The following ASIC4 variants were observed in gnomAD, a reference collection of about 807,000 sequenced individuals.
The protein encoded by ASIC4 is acid sensing ion channel subunit family member 4.
Under a neutral mutation model 53.4 loss-of-function variants are expected in ASIC4, and 28 were observed. The ratio of observed to expected loss-of-function variants is 0.52; its 90% confidence interval spans 0.39 to 0.72. The LOEUF is 0.72. ASIC4 is among the 30% of genes least tolerant of loss of function. ASIC4 has a pLI of 0.00. For synonymous variants in ASIC4, 289 were observed against 301.4 expected, an observed-to-expected ratio of 0.96 and a Z score of 0.43; for missense variants, 649 against 729.7, an observed-to-expected ratio of 0.89 and a Z score of 1.27.
At position 219,538,241 on chromosome 2, in the gene ASIC4, C is replaced by G. The variant is rs1252979758; in HGVS notation, c.*195C>G. ...CCTTCTTGTCCACACCCCTTATCCCCAGGCTGGTGCCCCGGGAGGGCTGGA... is the reference window on the plus strand; with the variant it reads ...CCTTCTTGTCCACACCCCTTATCCCGAGGCTGGTGCCCCGGGAGGGCTGGA... On this transcript the variant is annotated 3_prime_UTR_variant, in exon 10 of 10. Coordinates refer to ENST00000358078, the MANE Select transcript of ASIC4 (RefSeq NM_018674.6). 1 of 594,634 alleles carries G rather than the reference C, an allele frequency of 1.7e-6. No homozygotes were observed. The highest frequency in any genetic ancestry group is 2.0e-5 in the South Asian group (1 of 50,026). 36.8% of individuals were successfully genotyped at this position (594,634 alleles called of 1,614,324 possible).
At chr2:219,511,813 A>G (rs954965536), upstream of ASIC4, among the ~76,000 whole-genome samples, 1 of 151,832 alleles carries the variant, frequency 6.6e-6, no homozygotes, top group African/African-American at 2.4e-5. This position sits in a 1 kb window ranked among gnomAD's most constrained non-coding sequence, Gnocchi z 5.3. Flanking sequence ...CTGGGCAATG[A>G]GCCGGGGAAG....
At chr2:219,513,114 C>A (rs886547055), upstream of ASIC4, among the ~76,000 whole-genome samples, 1 of 152,200 alleles carries the variant, frequency 6.6e-6, no homozygotes, top group African/African-American at 2.4e-5. Flanking sequence ...TCCCTCAGAT[C>A]GATTCCTTTC....
rs1207625001 is a variant in ASIC4 at position 219,532,393 on chromosome 2, G to T, written c.934G>T (p.Ala312Ser). Residue 312 changes from alanine to serine, a missense_variant, in exon 4 of 10, where the codon GCC becomes TCC. Ala to Ser is a moderately conservative substitution (Grantham distance 99). Transcript: ENST00000358078. ...GGAGCCTGAGCTTCAGGGCTACTCG[G>T]CCTACAGTGTGTCTGCCTGCCGGCT... is the stretch of plus-strand genomic sequence containing the variant. The part of the protein sequence containing the change: ...LREPELQGYS[A>S]YSVSACRLRC... 2 of 1,614,124 alleles carry T rather than the reference G, an allele frequency of 1.2e-6. No homozygotes were observed. The highest frequency in any genetic ancestry group is 1.7e-6 in the Non-Finnish European group (2 of 1,179,996).
rs114995542 is a variant in ASIC4 at position 219,530,607 on chromosome 2, C to T, written c.583-1151C>T. The stretch of plus-strand genomic sequence containing the variant: ...ACCAACAGACATGTGGATGCATGGA[C>T]GGTGACACTGAATGTGGCCGTGTGA... On this transcript the variant is annotated intron_variant, in intron 1 of 9. Coordinates refer to ENST00000358078, the MANE Select transcript of ASIC4 (RefSeq NM_018674.6). Among the ~76,000 whole-genome samples the T allele has an allele frequency of 3.2e-3, 482 of 152,182 alleles. 2 individuals carry two copies. Among genetic ancestry groups the T allele is most frequent in the African/African-American group, 0.011 (458 of 41,448 alleles).
chr2:219,521,993 G>C (rs1251970171), intron 1 of ASIC4, among the ~76,000 whole-genome samples: 2 of 152,242 alleles, frequency 1.3e-5, no homozygotes, highest in African/African-American at 4.8e-5. Flanking sequence ...GTGGAGATGG[G>C]AAGGTTCAGT....
intron 3 of ASIC4, 77 bp from the exon 4 acceptor site, chr2:219,532,238 G>A: frequency 6.3e-7 from 1 of 1,597,180 alleles, no homozygotes; most frequent in Admixed American, 1.7e-5. Flanking sequence ...CAGCTGTGTT[G>A]ACTTTGCTGG....
chr2:219,535,441 G>T (rs200985286), intron 6 of ASIC4, 117 bp downstream of exon 6: 12 of 801,714 alleles, frequency 1.5e-5, no homozygotes, highest in Non-Finnish European at 2.1e-5. Flanking sequence ...ATGTGTTTGT[G>T]TGTATGTGGG....
In ASIC4 at chr2:219,514,836, G is replaced by GC. The variant is rs757065259; in HGVS notation, c.118dup (p.Arg40ProfsTer122). The GC allele has an allele frequency of 6.2e-7, 1 of 1,613,208 alleles. No homozygotes were observed. On this transcript the variant is annotated frameshift_variant, in exon 1 of 10. Coordinates refer to ENST00000358078, the MANE Select transcript of ASIC4 (RefSeq NM_018674.6). LOFTEE classifies it high-confidence loss of function. The stretch of plus-strand genomic sequence containing the variant: ...CCTCGGGGCTGTTGCCCCTGGAGCA[G>GC]CCCCCCGAGACCTGGCCACCTTTGC...
intron 1 of ASIC4, among the ~76,000 whole-genome samples, chr2:219,525,905 G>A (rs543922714): frequency 6.6e-6 from 1 of 152,380 alleles, no homozygotes; most frequent in East Asian, 1.9e-4. Context: ...GGGATACCAT[G>A]GAAGAATGTC....
At position 219,515,013 on chromosome 2, in the gene ASIC4, C is replaced by G; in HGVS notation, c.289C>G (p.His97Asp). The G allele has an allele frequency of 6.2e-7, 1 of 1,613,440 alleles. No individual in the cohort carries two copies. Among genetic ancestry groups the G allele is most frequent in the Non-Finnish European group, 8.5e-7 (1 of 1,179,900 alleles). Reference sequence around the variant, plus strand: ...GGCCCGGGGCTACCTGACCCGGCCTCACCTGGTGGCAATGGACCCCGCTGC... The same window carrying G: ...GGCCCGGGGCTACCTGACCCGGCCTGACCTGGTGGCAATGGACCCCGCTGC... ...GLARGYLTRP[H>D]LVAMDPAAPA... The change falls in exon 1 of 10, where the codon CAC (histidine) becomes GAC (aspartate). Residue 97 changes from histidine to aspartate, a missense_variant. Coordinates refer to ENST00000358078, the MANE Select transcript of ASIC4 (RefSeq NM_018674.6).
upstream of ASIC4, among the ~76,000 whole-genome samples, chr2:219,509,683 G>T (rs951976540): frequency 1.3e-5 from 2 of 152,064 alleles, no homozygotes; most frequent in African/African-American, 4.8e-5. The surrounding 1 kb of genome is among the most constrained non-coding windows in gnomAD (Gnocchi z 5.2). Flanking sequence ...GTGGTGAGGG[G>T]TGTCTGAGTT....
intron 1 of ASIC4, among the ~76,000 whole-genome samples, chr2:219,522,677 G>A (rs1380936593): frequency 6.6e-6 from 1 of 151,956 alleles, no homozygotes; most frequent in African/African-American, 2.4e-5. Context: ...CTTCAGGCCC[G>A]CCAGCCAGGC....
intron 1 of ASIC4, among the ~76,000 whole-genome samples, chr2:219,522,563 G>C (rs1459930789): frequency 6.6e-6 from 1 of 152,190 alleles, no homozygotes; most frequent in Non-Finnish European, 1.5e-5. Flanking sequence ...GCCTCGTGCT[G>C]ATCATGTCTC....
chr2:219,537,628 C>T lies in ASIC4; in HGVS notation c.1402-4C>T. 1 of 1,610,582 alleles carries T rather than the reference C, an allele frequency of 6.2e-7. No individual in the cohort carries two copies. The highest frequency in any genetic ancestry group is 1.3e-5 in the African/African-American group (1 of 74,928). Reference sequence around the variant, plus strand: ...CACTGCTGTCCCCGACCCTGAACCCCAAGGTGTCCTGGGATCGACTGAAGC... The same window carrying T: ...CACTGCTGTCCCCGACCCTGAACCCTAAGGTGTCCTGGGATCGACTGAAGC... On this transcript the variant is annotated splice_region_variant and splice_polypyrimidine_tract_variant and intron_variant, in intron 8 of 9. Transcript: ENST00000358078. This position sits in a 1 kb window ranked among gnomAD's most constrained non-coding sequence, Gnocchi z 4.9.
the ASIC4 span, among the ~76,000 whole-genome samples, chr2:219,508,345 G>A: frequency 3.3e-5 from 5 of 152,152 alleles, no homozygotes; most frequent in African/African-American, 4.8e-5. Flanking sequence ...GCAAAACACC[G>A]TGAAATCCAA....
In ASIC4 at chr2:219,531,853, C is replaced by G. The variant is rs775163132; in HGVS notation, c.678C>G (p.Ile226Met). 1 of 1,613,658 alleles carries G rather than the reference C, an allele frequency of 6.2e-7. No homozygotes were observed. Among genetic ancestry groups the G allele is most frequent in the South Asian group, 1.1e-5 (1 of 90,974 alleles). ...GGGGCATGGGCAGTGGCCTGGAGAT[C>G]ATGCTGGACATCCAGCAGGAGGAGT... ...RAGGMGSGLE[I>M]MLDIQQEEYL... Residue 226 changes from isoleucine (I) to methionine (M), a missense_variant, in exon 2 of 10, where the codon ATC (isoleucine) becomes ATG (methionine). Ile to Met is a conservative substitution (Grantham distance 10, BLOSUM62 1). Coordinates refer to ENST00000358078, the MANE Select transcript of ASIC4 (RefSeq NM_018674.6).
At position 219,537,154 on chromosome 2, in the gene ASIC4, C is replaced by G. The variant is rs1471153466; in HGVS notation, c.1318C>G (p.Leu440Val). The G allele has an allele frequency of 6.2e-7, 1 of 1,613,744 alleles. No individual in the cohort carries two copies. The highest frequency in any genetic ancestry group is 8.5e-7 in the Non-Finnish European group (1 of 1,179,792). ...QRAAYGLSAL[L>V]GDLGGQMGLF... The stretch of plus-strand genomic sequence containing the variant: ...AGCAGCCTATGGCCTGTCAGCCCTG[C>G]TGGGTGAGACTGGTGTCCCTGCCCC... Residue 440 changes from leucine to valine, a missense_variant, in exon 7 of 10, where the codon CTG becomes GTG. Transcript: ENST00000358078. This position sits in a 1 kb window ranked among gnomAD's most constrained non-coding sequence, Gnocchi z 4.9.
chr2:219,537,848 G>A lies in ASIC4; in HGVS notation c.1507-85G>A. 6.7e-7 allele frequency: 1 copy of A among 1,495,316 alleles called. No individual in the cohort carries two copies. Among genetic ancestry groups the A allele is most frequent in the Non-Finnish European group, 9.1e-7 (1 of 1,093,500 alleles). 92.6% of individuals were successfully genotyped at this position (1,495,316 alleles called of 1,614,324 possible). A position where few individuals can be genotyped will look rare whatever the true frequency, so the allele number is the denominator to read the frequency against. ...GGGGGCCCTGGAGCCTCTGCCCGAG[G>A]TGACAAGGAAAGGCTGGCGGTGTGA... On this transcript the variant is annotated intron_variant, in intron 9 of 9. Transcript: ENST00000358078. This position sits in a 1 kb window ranked among gnomAD's most constrained non-coding sequence, Gnocchi z 4.9.
At chr2:219,535,437 TTGTG>T (rs150579390) in intron 6 of ASIC4, 113 bp downstream of exon 6, 168,510 of 1,183,666 alleles carry the variant, frequency 0.14, 18,674 homozygotes, top group Admixed American at 0.18. Context: ...GTGTATGTGT[TTGTG>T]TGTATGTGGG....
Sources: gnomAD v4.1 joint callset for allele counts (sites outside exome capture counted in the v4.1 genomes callset) on GRCh38, gnomAD v4.1.1 for gene constraint, Gnocchi (gnomAD v3.1) non-coding constraint, MANE v1.5 for transcripts, NCBI Gene and HGNC (gene_info 2026-07-23, HGNC 2026-07-21) for gene names.